P2RX1: variants seen among roughly 807,000 people sequenced by gnomAD.
P2RX1 encodes purinergic receptor P2X 1, also known as P2X purinoceptor 1.
In P2RX1, 42 loss-of-function variants were observed where a neutral mutation model predicts 50.3. The ratio of observed to expected loss-of-function variants is 0.83; its 90% CI spans 0.65 to 1.08. The LOEUF is 1.08. P2RX1 is among the 50% of genes least tolerant of loss of function. The pLI is 0.00. For missense variants in P2RX1, 449 were observed against 529.0 expected, an observed-to-expected ratio of 0.85 and a Z score of 1.48; for synonymous variants, 199 against 202.6, an observed-to-expected ratio of 0.98 and a Z score of 0.15.
At chr17:3,901,854 C>G (rs1434595960) in intron 7 of P2RX1, among the ~76,000 whole-genome samples, 1 of 152,144 alleles carries the variant, frequency 6.6e-6, no homozygotes, top group Non-Finnish European at 1.5e-5. Context: ...CCACGCACAC[C>G]GCGTCAACTC....
rs1010902556 is a variant in P2RX1, at chr17:3,903,127, G to T, written c.747+75C>A. ...CCTCACCGAGGAGACTTGGGAAGAT[G>T]AACTGGGCCTAAAAAGCCTTTATCA... is the stretch of plus-strand genomic sequence containing the variant. On this transcript the variant is annotated intron_variant, in intron 7 of 11. Transcript: ENST00000225538. This position sits in a 1 kb window ranked among gnomAD's most constrained non-coding sequence, Gnocchi z 4.6. 3.5e-5 allele frequency: 56 copies of T among 1,597,638 alleles called. No homozygotes were observed. The African/African-American group carries it at 7.4e-4, about 21-fold the overall frequency.
At position 3,903,960 on chromosome 17, in the gene P2RX1, C is replaced by T. The variant is rs2056206212; in HGVS notation, c.492G>A (p.Trp164Ter). ...TGTCGTCATCCACCTCCACGGGGCA[C>T]CAGCCAAAGATCTCACACGTCTTCA... ...DTVKTCEIFGWCPVEVDDDIP... is the reference protein window; with the variant it reads ...DTVKTCEIFG Residue 164 changes from tryptophan to a stop codon, truncating the protein, a stop_gained, in exon 5 of 12, where the codon TGG (tryptophan) becomes TGA (stop). Transcript: ENST00000225538. LOFTEE classifies it high-confidence loss of function. The surrounding 1 kb of genome is among the most constrained non-coding windows in gnomAD (Gnocchi z 4.6). The T allele has an allele frequency of 1.2e-6, 2 of 1,614,094 alleles. No homozygotes were observed. The highest frequency in any genetic ancestry group is 3.3e-5 in the Admixed American group (2 of 60,018).
At position 3,916,084 on chromosome 17, in the gene P2RX1, C is replaced by T; in HGVS notation, c.137+5G>A. 3.1e-6 allele frequency: 5 copies of T among 1,613,308 alleles called. No individual in the cohort carries two copies. Among genetic ancestry groups the T allele is most frequent in the Non-Finnish European group, 4.2e-6 (5 of 1,179,918 alleles). On this transcript the variant is annotated splice_donor_5th_base_variant and intron_variant, in intron 1 of 11. Coordinates refer to ENST00000225538, the MANE Select transcript of P2RX1 (RefSeq NM_002558.4). ...GTGCAGGCAGCGGGAGGCGCCCGGA[C>T]TCACCCGATGACGTAGACCAGGACC...
At chr17:3,913,858 C>T (rs1210163096) in intron 1 of P2RX1, among the ~76,000 whole-genome samples, 2 of 78,188 alleles carry the variant, frequency 2.6e-5, no homozygotes, top group African/African-American at 4.8e-5. Context: ...TGAGTGCACT[C>T]TTGGGGGGGG....
In P2RX1 at chr17:3,905,208, G is replaced by A; in HGVS notation, c.285+12C>T. On this transcript the variant is annotated intron_variant, in intron 2 of 11. Coordinates refer to ENST00000225538, the MANE Select transcript of P2RX1 (RefSeq NM_002558.4). ...CCCTGTGAGGGGAAGGTGCAAACCT[G>A]AGCCAGCTCACCTGGGCTGGGAAGA... is the stretch of plus-strand genomic sequence containing the variant. 1 of 1,611,872 alleles carries A rather than the reference G, an allele frequency of 6.2e-7. No individual in the cohort carries two copies. Among genetic ancestry groups the A allele is most frequent in the Non-Finnish European group, 8.5e-7 (1 of 1,179,544 alleles).
chr17:3,904,569 C>A, intron 3 of P2RX1, 170 bp from the exon 4 acceptor site: 1 of 683,858 alleles, frequency 1.5e-6, no homozygotes. Flanking sequence ...CACTGCTCTG[C>A]CGAGGCGCCC....
At position 3,903,393 on chromosome 17, in the gene P2RX1, G is replaced by A; in HGVS notation, c.606-50C>T. On this transcript the variant is annotated intron_variant, in intron 6 of 11. Coordinates refer to ENST00000225538, the MANE Select transcript of P2RX1 (RefSeq NM_002558.4). The surrounding 1 kb of genome is among the most constrained non-coding windows in gnomAD (Gnocchi z 4.6). ...GCTGCTGTGTGTCATCCGGGAGGGTGCCCACCACGCCCCAAAGCCTGGGGA... is the reference window on the plus strand; with the variant it reads ...GCTGCTGTGTGTCATCCGGGAGGGTACCCACCACGCCCCAAAGCCTGGGGA... The A allele has an allele frequency of 6.2e-7, 1 of 1,611,650 alleles. No individual in the cohort carries two copies. Among genetic ancestry groups the A allele is most frequent in the Non-Finnish European group, 8.5e-7 (1 of 1,178,976 alleles).
At chr17:3,910,381 G>A (rs1303158658) in intron 1 of P2RX1, among the ~76,000 whole-genome samples, 2 of 152,132 alleles carry the variant, frequency 1.3e-5, no homozygotes, top group Non-Finnish European at 1.5e-5. Context: ...CTGTGTCCTC[G>A]TCATGGAGAA....
rs755446584 is a variant in P2RX1, at chr17:3,915,975, TC to T, written c.137+113del. ...GCACAGTGGCTTGCCAGGAAGGCCT[TC>T]CCCTGGATGGAGAGGAAGAGGGGCT... On this transcript the variant is annotated intron_variant, in intron 1 of 11. Transcript: ENST00000225538. 4.0e-6 allele frequency: 5 copies of T among 1,261,516 alleles called. No individual in the cohort carries two copies. The South Asian group carries it at 6.4e-5, about 16-fold the overall frequency. The allele number at this position is 1,261,516 out of a possible 1,614,324, so 78.1% of individuals were successfully genotyped here.
chr17:3,898,233 T>A, intron 10 of P2RX1, 123 bp from the exon 11 acceptor site: 1 of 896,100 alleles, frequency 1.1e-6, no homozygotes, highest in Non-Finnish European at 1.8e-6. Context: ...TGGAGGCCAG[T>A]TTCCTGGAGG....
Position 3,899,672 on chromosome 17 carries a change from C to T in P2RX1, c.837G>A (p.Leu279=), listed in dbSNP as rs372339954. ...CTGGGGAGAGATTTTTCTCTTCGTACAGCCCATGGAACTCATAGATGGGTC... is the reference window on the plus strand; with the variant it reads ...CTGGGGAGAGATTTTTCTCTTCGTATAGCCCATGGAACTCATAGATGGGTC... ...HCRPIYEFHG[L]YEEKNLSPGF... Residue 279 remains leucine (L), a synonymous_variant, in exon 8 of 12, where the codon CTG becomes CTA. Coordinates refer to ENST00000225538, the MANE Select transcript of P2RX1 (RefSeq NM_002558.4). 2.0e-5 allele frequency: 33 copies of T among 1,613,812 alleles called. No homozygotes were observed. The highest frequency in any genetic ancestry group is 2.8e-5 in the Non-Finnish European group (33 of 1,179,884).
chr17:3,912,376 G>A (rs905870075), intron 1 of P2RX1, among the ~76,000 whole-genome samples: 10 of 151,924 alleles, frequency 6.6e-5, no homozygotes, highest in Admixed American at 6.5e-4. Context: ...TGTTGCCCAG[G>A]CTGGAGTGCA....
At chr17:3,899,493 A>G (rs1405490587) in intron 8 of P2RX1, 141 bp downstream of exon 8, 4 of 1,137,606 alleles carry the variant, frequency 3.5e-6, no homozygotes, top group East Asian at 2.5e-5. Flanking sequence ...GGCTTCCTGC[A>G]TGGCCACCCA....
chr17:3,904,963 G>GGGGGGGGC, intron 2 of P2RX1, 34 bp from the exon 3 acceptor site: 8 of 435,324 alleles, frequency 1.8e-5, no homozygotes, highest in Admixed American at 5.6e-5. Flanking sequence ...GGTGGGGTGG[G>GGGGGGGGC]CTGGGAGCTG....
chr17:3,907,876 G>C (rs189312884), intron 1 of P2RX1, among the ~76,000 whole-genome samples: 2,071 of 144,520 alleles, frequency 0.014, 47 homozygotes, highest in African/African-American at 0.058. Flanking sequence ...GCTGATGCAG[G>C]GGGGAGGAGG....
intron 2 of P2RX1, 33 bp from the exon 3 acceptor site, chr17:3,904,962 G>GTCCCCCTTTCTT: frequency 1.7e-6 from 1 of 594,752 alleles, no homozygotes; most frequent in Non-Finnish European, 3.2e-6. Context: ...GGGTGGGGTG[G>GTCCCCCTTTCTT]GCTGGGAGCT....
intron 1 of P2RX1, among the ~76,000 whole-genome samples, chr17:3,913,863 G>T (rs369399739): frequency 1.0e-5 from 1 of 96,312 alleles, no homozygotes; most frequent in African/African-American, 3.0e-5. Flanking sequence ...GCACTCTTGG[G>T]GGGGGTGGTC....
intron 4 of P2RX1, 91 bp from the exon 5 acceptor site, chr17:3,904,115 T>TCCCAGTGA (rs1207864433): frequency 3.5e-6 from 4 of 1,155,198 alleles, no homozygotes. Flanking sequence ...GACGGGCCAC[T>TCCCAGTGA]CAAGCAAAGG....
chr17:3,901,856 C>T (rs112746146), intron 7 of P2RX1, among the ~76,000 whole-genome samples: 4 of 152,176 alleles, frequency 2.6e-5, no homozygotes, highest in African/African-American at 7.2e-5. Flanking sequence ...ACGCACACCG[C>T]GTCAACTCAC....
Sources: allele counts gnomAD v4.1 joint callset (sites outside exome capture counted in the v4.1 genomes callset), GRCh38; gene constraint gnomAD v4.1.1; non-coding constraint Gnocchi (gnomAD v3.1); transcripts MANE v1.5; gene names NCBI Gene and HGNC (gene_info 2026-07-23, HGNC 2026-07-21).